PINX1: variants seen among roughly 807,000 people sequenced by gnomAD.
PINX1 encodes PIN2/TERF1-interacting telomerase inhibitor 1.
Under a neutral mutation model 25.4 loss-of-function variants are expected in PINX1, and 34 were observed. That is an observed-to-expected ratio of 1.34 (90% confidence interval 1.02 to 1.78). The LOEUF (loss-of-function observed/expected upper bound fraction) is 1.78, where lower values mean the gene tolerates loss of function less well. PINX1 is among the 40% of genes most tolerant of loss of function. The pLI is 0.00. For synonymous variants in PINX1, 197 were observed against 147.7 expected (o/e 1.33, Z -2.42); for missense variants, 592 against 404.9 (o/e 1.46, Z -3.97).
chr8:10,822,749 C>G (rs1380903748), intron 5 of PINX1, among the ~76,000 whole-genome samples: 1 of 152,020 alleles, frequency 6.6e-6, no homozygotes, highest in South Asian at 2.1e-4. Context: ...TAGCAATAAC[C>G]CAACAAGCTG....
At chr8:10,786,352 C>G (rs1006753208) in intron 6 of PINX1, among the ~76,000 whole-genome samples, 1 of 152,144 alleles carries the variant, frequency 6.6e-6, no homozygotes, top group Admixed American at 6.5e-5. Flanking sequence ...TTCTACAACA[C>G]CAAGTAGCGT....
intron 4 of PINX1, 35 bp downstream of exon 4, chr8:10,831,630 T>C: frequency 1.5e-6 from 2 of 1,299,910 alleles, no homozygotes; most frequent in Non-Finnish European, 2.2e-6. Flanking sequence ...ATAAACATAT[T>C]TGCATTGAGA....
At chr8:10,815,476 A>C (rs959239433) in intron 6 of PINX1, among the ~76,000 whole-genome samples, 3 of 152,258 alleles carry the variant, frequency 2.0e-5, no homozygotes, top group Admixed American at 6.5e-5. Context: ...GCGCACAAAG[A>C]AAATTTACAT....
chr8:10,795,676 G>A (rs1341070224), intron 6 of PINX1, among the ~76,000 whole-genome samples: 1 of 152,178 alleles, frequency 6.6e-6, no homozygotes, highest in Non-Finnish European at 1.5e-5. Context: ...TTTAACTTGT[G>A]ACTTTATGAC....
rs542405584 is a variant in PINX1, at chr8:10,764,991, G to A, written c.*410C>T. 6.0e-6 allele frequency: 1 copy of A among 165,902 alleles called. No homozygotes were observed. Among genetic ancestry groups the A allele is most frequent in the East Asian group, 1.7e-4 (1 of 5,716 alleles). 10.3% of individuals were successfully genotyped at this position (165,902 alleles called of 1,614,324 possible). On this transcript the variant is annotated 3_prime_UTR_variant, in exon 7 of 7. Coordinates refer to ENST00000314787, the MANE Select transcript of PINX1 (RefSeq NM_017884.6). ...CCTCTTAATCCTTTAATTAGGCTGA[G>A]TCTTTCAGAAGAAAGCACCATTCAT...
At chr8:10,823,494 C>G (rs1797939073) in intron 5 of PINX1, among the ~76,000 whole-genome samples, 1 of 151,920 alleles carries the variant, frequency 6.6e-6, no homozygotes, top group Non-Finnish European at 1.5e-5. Flanking sequence ...GATATAGCCT[C>G]TATCTGCAGA....
At chr8:10,823,692 G>A (rs1412531083) in intron 5 of PINX1, among the ~76,000 whole-genome samples, 1 of 152,180 alleles carries the variant, frequency 6.6e-6, no homozygotes, top group Non-Finnish European at 1.5e-5. Context: ...ACCAGGTGCA[G>A]TGGCTCACAC....
intron 6 of PINX1, among the ~76,000 whole-genome samples, chr8:10,793,652 G>A (rs992603645): frequency 6.6e-6 from 1 of 152,034 alleles, no homozygotes; most frequent in Non-Finnish European, 1.5e-5. Flanking sequence ...CGCTGGAACG[G>A]GGGCATTTGT....
At chr8:10,830,337 G>C (rs538841368) in intron 4 of PINX1, among the ~76,000 whole-genome samples, 1 of 152,086 alleles carries the variant, frequency 6.6e-6, no homozygotes, top group African/African-American at 2.4e-5. Flanking sequence ...TTCCACACAC[G>C]TCACTGCAAT....
At chr8:10,833,454 AGGAG>A (rs1798287861) in intron 2 of PINX1, 1 of 156,210 alleles carries the variant, frequency 6.4e-6, no homozygotes, top group African/African-American at 2.4e-5. Flanking sequence ...GAGGAGAAAA[AGGAG>A]GGAGGAAGGG....
At chr8:10,794,694 C>G (rs1287368194) in intron 6 of PINX1, among the ~76,000 whole-genome samples, 1 of 152,148 alleles carries the variant, frequency 6.6e-6, no homozygotes, top group East Asian at 1.9e-4. Flanking sequence ...TCCCAAAGTG[C>G]TGGGATTACG....
chr8:10,824,703 C>G (rs1435781898), intron 5 of PINX1, among the ~76,000 whole-genome samples: 8 of 152,190 alleles, frequency 5.3e-5, no homozygotes, highest in Non-Finnish European at 1.0e-4. Flanking sequence ...AGTCTGGCAT[C>G]AAAGGAAAAT....
At chr8:10,820,653 C>T (rs1187554101) in intron 5 of PINX1, among the ~76,000 whole-genome samples, 1 of 152,122 alleles carries the variant, frequency 6.6e-6, no homozygotes, top group Non-Finnish European at 1.5e-5. Flanking sequence ...ACATGAGCTA[C>T]TTACTTAGAA....
chr8:10,769,298 G>C (rs1468233451), intron 6 of PINX1, among the ~76,000 whole-genome samples: 2 of 152,166 alleles, frequency 1.3e-5, no homozygotes, highest in Admixed American at 6.5e-5. Context: ...AAAATAAGCA[G>C]GACTGGCCTA....
chr8:10,772,913 C>T (rs1363595340), intron 6 of PINX1, among the ~76,000 whole-genome samples: 7 of 146,582 alleles, frequency 4.8e-5, no homozygotes, highest in Admixed American at 4.2e-4. Flanking sequence ...TGGCCGTGGG[C>T]CTAGTTTTTA....
intron 6 of PINX1, among the ~76,000 whole-genome samples, chr8:10,781,088 A>C (rs770975445): frequency 6.6e-6 from 1 of 152,240 alleles, no homozygotes; most frequent in Non-Finnish European, 1.5e-5. Flanking sequence ...AGCATGAAGA[A>C]GACACAATGG....
At chr8:10,785,184 T>C (rs569254893) in intron 6 of PINX1, among the ~76,000 whole-genome samples, 1 of 152,354 alleles carries the variant, frequency 6.6e-6, no homozygotes, top group East Asian at 1.9e-4. Context: ...TATATAAGAT[T>C]ACAATTTAAA....
chr8:10,783,660 T>C (rs147067849), intron 6 of PINX1, among the ~76,000 whole-genome samples: 3 of 152,348 alleles, frequency 2.0e-5, no homozygotes, highest in East Asian at 3.9e-4. Context: ...ACAGGGATTA[T>C]ACCTTACCCA....
At chr8:10,832,814 T>C in intron 3 of PINX1, 78 bp downstream of exon 3, 4 of 796,816 alleles carry the variant, frequency 5.0e-6, no homozygotes, top group Non-Finnish European at 8.5e-6. Context: ...CAGAAGCAGA[T>C]GAACCAATCA....
Sources: allele counts gnomAD v4.1 joint callset (sites outside exome capture counted in the v4.1 genomes callset), GRCh38; gene constraint gnomAD v4.1.1; transcripts MANE v1.5; gene names NCBI Gene and HGNC (gene_info 2026-07-23, HGNC 2026-07-21).